Variants in RBM20 observed in about 807,000 individuals in gnomAD.
RBM20 encodes the protein RNA-binding protein 20.
RBM20 carries 51 observed loss-of-function variants against 110.1 expected under a neutral mutation model. That is an observed-to-expected ratio of 0.46 (90% CI 0.37 to 0.59). The LOEUF is 0.59. Ranked by LOEUF, RBM20 falls within the 20% of genes least tolerant of loss-of-function variation. RBM20 has a pLI of 0.00. For synonymous variants in RBM20, 589 were observed against 618.2 expected, an observed-to-expected ratio of 0.95 and a Z score of 0.70; for missense variants, 1,512 against 1,574.9, an observed-to-expected ratio of 0.96 and a Z score of 0.68.
At chr10:110,685,432 G>T (rs895577428) in intron 1 of RBM20, among the ~76,000 whole-genome samples, 1 of 152,148 alleles carries the variant, frequency 6.6e-6, no homozygotes, top group Non-Finnish European at 1.5e-5. Flanking sequence ...GTTGACAGCT[G>T]TGCCTGTGTT....
chr10:110,767,507 G>C (rs1036508912), intron 1 of RBM20, among the ~76,000 whole-genome samples: 2 of 149,394 alleles, frequency 1.3e-5, no homozygotes, highest in African/African-American at 5.0e-5. Context: ...CGGCTGCGGG[G>C]CGGAGGGGCT....
chr10:110,662,215 G>A (rs1430100744), intron 1 of RBM20, among the ~76,000 whole-genome samples: 24 of 152,180 alleles, frequency 1.6e-4, no homozygotes, highest in Non-Finnish European at 2.9e-5. Context: ...AAAGCACTGA[G>A]AAGCTCTCCT....
intron 1 of RBM20, among the ~76,000 whole-genome samples, chr10:110,676,638 A>G (rs1260196554): frequency 6.6e-6 from 1 of 152,184 alleles, no homozygotes; most frequent in African/African-American, 2.4e-5. Flanking sequence ...TTCATTCACA[A>G]ATTTCAAAAT....
chr10:110,769,892 A>C (rs1844163381), intron 1 of RBM20, among the ~76,000 whole-genome samples: 1 of 151,954 alleles, frequency 6.6e-6, no homozygotes, highest in Non-Finnish European at 1.5e-5. Context: ...CCAATCTAAA[A>C]AATTTTTTTA....
chr10:110,708,698 G>A (rs1341191508), intron 1 of RBM20, among the ~76,000 whole-genome samples: 3 of 152,180 alleles, frequency 2.0e-5, no homozygotes, highest in Non-Finnish European at 2.9e-5. Context: ...TTTACAACAA[G>A]GCGGAATTAT....
At chr10:110,746,642 A>C (rs142239691) in intron 1 of RBM20, among the ~76,000 whole-genome samples, 20 of 152,314 alleles carry the variant, frequency 1.3e-4, no homozygotes, top group Admixed American at 3.9e-4. Context: ...ATGATTTTGC[A>C]CAGCTGGATT....
intron 1 of RBM20, among the ~76,000 whole-genome samples, chr10:110,677,198 C>T (rs1237926008): frequency 6.6e-6 from 1 of 152,170 alleles, no homozygotes; most frequent in Non-Finnish European, 1.5e-5. Context: ...TCTTATAAAG[C>T]CACCAGTCCC....
intron 2 of RBM20, 118 bp from the exon 3 acceptor site, chr10:110,783,248 G>C: frequency 1.4e-6 from 1 of 703,202 alleles, no homozygotes; most frequent in Non-Finnish European, 2.6e-6. Context: ...GTGTCTGCAG[G>C]GGTGGTCCAG....
chr10:110,742,516 C>A (rs576835912), intron 1 of RBM20, among the ~76,000 whole-genome samples: 1 of 152,222 alleles, frequency 6.6e-6, no homozygotes, highest in Non-Finnish European at 1.5e-5. Context: ...AGTCCCCTGG[C>A]AGTGTGCTCA....
intron 1 of RBM20, among the ~76,000 whole-genome samples, chr10:110,666,025 A>G (rs1219069200): frequency 6.5e-5 from 8 of 122,832 alleles, no homozygotes; most frequent in African/African-American, 2.3e-4. Context: ...GAGGGGAAGG[A>G]AGGAAGGAAG....
chr10:110,693,430 A>G (rs1015527377), intron 1 of RBM20, among the ~76,000 whole-genome samples: 5 of 152,104 alleles, frequency 3.3e-5, no homozygotes, highest in African/African-American at 1.2e-4. Context: ...TACTGATTCA[A>G]TCTCCTTATT....
rs529310006 is a variant in RBM20, at chr10:110,697,164, GT to G, written c.191+52521del. 2.2e-3 allele frequency among the ~76,000 whole-genome samples: 330 copies of G among 152,232 alleles called. 1 individual carries two copies. The highest frequency in any genetic ancestry group is 7.7e-3 in the African/African-American group (318 of 41,540). On this transcript the variant is annotated intron_variant, in intron 1 of 13. Transcript: ENST00000369519. ...TTAAGCTCATTGCTCAGATTTAAAA[GT>G]TGGGGGATTTCACACAACAAAAGCC... is the stretch of plus-strand genomic sequence containing the variant.
intron 1 of RBM20, among the ~76,000 whole-genome samples, chr10:110,774,247 CACAAA>C (rs1431354402): frequency 6.6e-6 from 1 of 152,164 alleles, no homozygotes; most frequent in African/African-American, 2.4e-5. Flanking sequence ...AACTGAAAAA[CACAAA>C]ACAAAAGAGA....
intron 1 of RBM20, among the ~76,000 whole-genome samples, chr10:110,658,480 G>A (rs1019603803): frequency 6.6e-6 from 1 of 152,188 alleles, no homozygotes; most frequent in African/African-American, 2.4e-5. Context: ...AATGATCGGA[G>A]ATCCCGGGCT....
intron 1 of RBM20, among the ~76,000 whole-genome samples, chr10:110,731,280 C>T (rs1403378419): frequency 1.3e-5 from 2 of 152,074 alleles, no homozygotes; most frequent in African/African-American, 2.4e-5. Flanking sequence ...AACAAGGAAG[C>T]GAAGAAGCTG....
At chr10:110,733,145 C>T (rs533704976) in intron 1 of RBM20, among the ~76,000 whole-genome samples, 188 of 152,292 alleles carry the variant, frequency 1.2e-3, no homozygotes, top group African/African-American at 4.3e-3. Context: ...GTACAGCCAG[C>T]GACAAACAAT....
At chr10:110,707,996 C>A (rs1360440935) in intron 1 of RBM20, among the ~76,000 whole-genome samples, 1 of 152,062 alleles carries the variant, frequency 6.6e-6, no homozygotes, top group East Asian at 1.9e-4. Context: ...CACATGTACT[C>A]CACAAAGAGG....
At chr10:110,756,980 C>G (rs1383659082) in intron 1 of RBM20, among the ~76,000 whole-genome samples, 2 of 152,198 alleles carry the variant, frequency 1.3e-5, no homozygotes, top group African/African-American at 4.8e-5. Flanking sequence ...GCCATGTGCT[C>G]TTTCAGGGAA....
rs981560660 is a variant in RBM20 at position 110,739,212 on chromosome 10, G to C, written c.192-41589G>C. ...ATATGTATGTAACTACTTTAGTACAGTTGAGGGCTCTTGAAGTCATGCTGT... is the reference window on the plus strand; with the variant it reads ...ATATGTATGTAACTACTTTAGTACACTTGAGGGCTCTTGAAGTCATGCTGT... On this transcript the variant is annotated intron_variant, in intron 1 of 13. Coordinates refer to ENST00000369519, the MANE Select transcript of RBM20 (RefSeq NM_001134363.3). This position sits in a 1 kb window ranked among gnomAD's most constrained non-coding sequence, Gnocchi z 4.1. Among the ~76,000 whole-genome samples, 5 of 152,220 alleles carry C rather than the reference G, an allele frequency of 3.3e-5. No individual in the cohort carries two copies. The highest frequency in any genetic ancestry group is 7.3e-5 in the Non-Finnish European group (5 of 68,036).
Sources: allele counts gnomAD v4.1 joint callset (sites outside exome capture counted in the v4.1 genomes callset), GRCh38; gene constraint gnomAD v4.1.1; non-coding constraint Gnocchi (gnomAD v3.1); transcripts MANE v1.5; gene names NCBI Gene and HGNC (gene_info 2026-07-23, HGNC 2026-07-21).